Variants in OSMR observed in about 807,000 individuals in gnomAD.
OSMR encodes oncostatin M receptor, also known as oncostatin-M-specific receptor subunit beta.
In OSMR, 81 loss-of-function variants were observed where a neutral mutation model predicts 99.9. The ratio of observed to expected loss-of-function variants is 0.81; its 90% CI spans 0.68 to 0.97. OSMR has a LOEUF of 0.97. OSMR is among the 50% of genes least tolerant of loss of function. The pLI, the probability that OSMR is intolerant of heterozygous loss-of-function variation, is 0.00. For missense variants in OSMR, 1,099 were observed against 1,153.4 expected (o/e 0.95, Z 0.68); for synonymous variants, 406 against 410.4 (o/e 0.99, Z 0.13).
intron 2 of OSMR, chr5:38,944,800 C>A: frequency 9.4e-7 from 1 of 1,065,318 alleles, no homozygotes; most frequent in South Asian, 1.3e-5. Flanking sequence ...CTAAAATGGA[C>A]GTATTACTGT....
intron 9 of OSMR, among the ~76,000 whole-genome samples, chr5:38,911,378 C>G (rs1458429561): frequency 6.6e-6 from 1 of 152,108 alleles, no homozygotes; most frequent in Non-Finnish European, 1.5e-5. Flanking sequence ...GAAATTGAAT[C>G]CCTGGACAGA....
chr5:38,945,472 G>A (rs773243564), downstream of OSMR: 40 of 1,519,018 alleles, frequency 2.6e-5, no homozygotes, highest in Middle Eastern at 6.8e-4. Flanking sequence ...TTTTCTGAAG[G>A]TGGGACGTGA....
rs769181858 is a variant in OSMR at position 38,921,650 on chromosome 5, G to C, written c.1621G>C (p.Gly541Arg). 16 of 1,613,836 alleles carry C rather than the reference G, an allele frequency of 9.9e-6. No homozygotes were observed. The highest frequency in any genetic ancestry group is 1.3e-5 in the Non-Finnish European group (15 of 1,179,862). ...VEEERIAGTE[G>R]GFSLSWKPQP... ...GGAAGAAAGAATTGCAGGCACAGAG[G>C]GTGGATTCTCTCTGTCTTGGAAACC... is the stretch of plus-strand genomic sequence containing the variant. The change falls in exon 12 of 18, where the codon GGT (glycine) becomes CGT (arginine). Residue 541 changes from glycine to arginine, a missense_variant. Coordinates refer to ENST00000274276, the MANE Select transcript of OSMR (RefSeq NM_003999.3).
At chr5:38,936,110 G>C (rs1246781184), downstream of OSMR, among the ~76,000 whole-genome samples, 1 of 151,906 alleles carries the variant, frequency 6.6e-6, no homozygotes, top group East Asian at 1.9e-4. Context: ...AAATAATAAT[G>C]GACAATTTCA....
At chr5:38,859,626 T>C in intron 1 of OSMR, among the ~76,000 whole-genome samples, 1 of 152,220 alleles carries the variant, frequency 6.6e-6, no homozygotes, top group East Asian at 1.9e-4. Context: ...TTTTCCTGTG[T>C]CTATGAAAAA....
intron 13 of OSMR, among the ~76,000 whole-genome samples, chr5:38,923,493 AATC>A (rs1401343057): frequency 6.6e-6 from 1 of 152,162 alleles, no homozygotes; most frequent in African/African-American, 2.4e-5. Context: ...CTATGTGAAT[AATC>A]ATCATTTTAG....
At chr5:38,911,263 A>G (rs961859340) in intron 9 of OSMR, among the ~76,000 whole-genome samples, 2 of 152,210 alleles carry the variant, frequency 1.3e-5, no homozygotes, top group East Asian at 3.9e-4. Flanking sequence ...ACTTGACCCC[A>G]TAGAAACACA....
intron 7 of OSMR, among the ~76,000 whole-genome samples, chr5:38,900,088 C>T (rs372421592): frequency 2.6e-5 from 4 of 152,294 alleles, no homozygotes; most frequent in Admixed American, 6.5e-5. Context: ...CACTGGGTTC[C>T]GACTGCTGGG....
intron 3 of OSMR, among the ~76,000 whole-genome samples, chr5:38,879,604 G>A (rs1199032934): frequency 6.6e-6 from 1 of 151,360 alleles, no homozygotes; most frequent in East Asian, 2.0e-4. Flanking sequence ...TCTGGGGGAA[G>A]AGAGGAAATA....
intron 1 of OSMR, among the ~76,000 whole-genome samples, chr5:38,862,601 C>T (rs963342995): frequency 1.0e-4 from 15 of 146,808 alleles, no homozygotes; most frequent in African/African-American, 2.5e-4. Flanking sequence ...CCTCCCAGAC[C>T]GGGTCGCGGC....
rs925755746 is a variant in OSMR at position 38,923,594 on chromosome 5, AT to A, written c.1870+349del. 1.7e-4 allele frequency among the ~76,000 whole-genome samples: 26 copies of A among 151,918 alleles called. 1 individual carries two copies. Among genetic ancestry groups the A allele is most frequent in the African/African-American group, 6.0e-4 (25 of 41,410 alleles). ...GAATCAAAGGGTTTCAGCTTTTAAA[AT>A]TTTTTTTTCATTCCTTTCATAATTT... On this transcript the variant is annotated intron_variant, in intron 13 of 17. Transcript: ENST00000274276.
rs763446985 is a variant in OSMR at position 38,876,278 on chromosome 5, C to A, written c.151C>A (p.Gln51Lys). Residue 51 changes from glutamine to lysine, a missense_variant, in exon 3 of 18, where the codon CAA becomes AAA. Transcript: ENST00000274276. The part of the protein sequence containing the change: ...TNSTRQSLHL[Q>K]WTVHNLPYHQ... ...TTCTACGCGTCAGAGTTTGCACTTACAATGGACTGTCCACAACCTTCCTTA... is the reference window on the plus strand; with the variant it reads ...TTCTACGCGTCAGAGTTTGCACTTAAAATGGACTGTCCACAACCTTCCTTA... 9.9e-6 allele frequency: 16 copies of A among 1,613,368 alleles called. No individual in the cohort carries two copies. Among genetic ancestry groups the A allele is most frequent in the Admixed American group, 1.7e-5 (1 of 60,004 alleles).
chr5:38,908,379 A>G (rs554794818), intron 9 of OSMR, among the ~76,000 whole-genome samples: 34 of 151,802 alleles, frequency 2.2e-4, no homozygotes, highest in Non-Finnish European at 4.0e-4. Context: ...CTGCAGCCCT[A>G]CTCTCAGAGG....
At chr5:38,909,969 T>C (rs2112578714) in intron 9 of OSMR, among the ~76,000 whole-genome samples, 1 of 152,298 alleles carries the variant, frequency 6.6e-6, no homozygotes, top group South Asian at 2.1e-4. Context: ...CTGTATGCTG[T>C]CTACAGGAGA....
chr5:38,874,515 A>C (rs1410525441), intron 2 of OSMR, among the ~76,000 whole-genome samples: 5 of 152,178 alleles, frequency 3.3e-5, no homozygotes. Flanking sequence ...GCTTTCTACT[A>C]TGTGGACCAA....
intron 1 of OSMR, among the ~76,000 whole-genome samples, chr5:38,850,481 A>C (rs1301016560): frequency 6.6e-6 from 1 of 152,200 alleles, no homozygotes; most frequent in Non-Finnish European, 1.5e-5. Flanking sequence ...CTGTTCTTAG[A>C]TCTAGAGTCA....
chr5:38,861,776 G>A (rs1741359748), intron 1 of OSMR, among the ~76,000 whole-genome samples: 1 of 150,886 alleles, frequency 6.6e-6, no homozygotes, highest in African/African-American at 2.4e-5. Flanking sequence ...CCTGGACGGG[G>A]CGGCTGGCCG....
At chr5:38,868,935 G>A (rs1288939624) in intron 1 of OSMR, 97 bp from the exon 2 acceptor site, 9 of 1,417,554 alleles carry the variant, frequency 6.3e-6, no homozygotes, top group Admixed American at 4.0e-5. Context: ...AGAAGTATGG[G>A]AGCCTTTATT....
Position 38,933,710 on chromosome 5 carries a change from A to G in OSMR, c.*266A>G. The G allele has an allele frequency of 2.0e-6, 1 of 507,684 alleles. No homozygotes were observed. The highest frequency in any genetic ancestry group is 3.6e-6 in the Non-Finnish European group (1 of 279,748). 31.4% of individuals were successfully genotyped at this position (507,684 alleles called of 1,614,324 possible). A position where few individuals can be genotyped will look rare whatever the true frequency, so the allele number is the denominator to read the frequency against. On this transcript the variant is annotated 3_prime_UTR_variant, in exon 18 of 18. Transcript: ENST00000274276. ...GTTCCAGGCTCACCTTTAGAACAGG[A>G]GACTTGAGCTTGACCTAAGGATATG...
Sources: gnomAD v4.1 joint callset for allele counts (sites outside exome capture counted in the v4.1 genomes callset) on GRCh38, gnomAD v4.1.1 for gene constraint, MANE v1.5 for transcripts, NCBI Gene and HGNC (gene_info 2026-07-23, HGNC 2026-07-21) for gene names.